CNTNAP2: variants seen among roughly 807,000 people sequenced by gnomAD.
CNTNAP2 encodes the protein contactin associated protein 2, also known as contactin-associated protein-like 2.
CNTNAP2 carries 98 observed loss-of-function variants against 155.2 expected under a neutral mutation model. The observed-to-expected ratio is 0.63, with a 90% confidence interval of 0.54 to 0.75. The LOEUF (loss-of-function observed/expected upper bound fraction) is 0.75. Ranked by LOEUF, CNTNAP2 falls within the 30% of genes least tolerant of loss-of-function variation. The pLI is 0.00. For synonymous variants in CNTNAP2, 651 were observed against 631.2 expected, an observed-to-expected ratio of 1.03 and a Z score of -0.47; for missense variants, 1,727 against 1,688.1, an observed-to-expected ratio of 1.02 and a Z score of -0.40.
At chr7:147,124,677 C>T (rs1231919250) in intron 6 of CNTNAP2, among the ~76,000 whole-genome samples, 4 of 151,988 alleles carry the variant, frequency 2.6e-5, no homozygotes, top group African/African-American at 9.7e-5. Context: ...TAATTTATAG[C>T]TTATGTAGTG....
intron 12 of CNTNAP2, among the ~76,000 whole-genome samples, chr7:147,563,706 A>C (rs1043572885): frequency 6.6e-6 from 1 of 152,170 alleles, no homozygotes; most frequent in Non-Finnish European, 1.5e-5. Context: ...TATGCAGCCC[A>C]TGGATCTTCT....
intron 3 of CNTNAP2, among the ~76,000 whole-genome samples, chr7:146,968,600 A>G (rs1018393276): frequency 6.6e-6 from 1 of 151,382 alleles, no homozygotes; most frequent in African/African-American, 2.4e-5. Context: ...ATTTGCATAG[A>G]GGTGTTTGTA....
At chr7:146,809,327 T>C (rs1039292634) in intron 2 of CNTNAP2, among the ~76,000 whole-genome samples, 3 of 152,188 alleles carry the variant, frequency 2.0e-5, no homozygotes, top group Non-Finnish European at 2.9e-5. Context: ...GAACACTTGT[T>C]CATGTATCTG....
At chr7:147,305,762 G>A (rs899082364) in intron 9 of CNTNAP2, among the ~76,000 whole-genome samples, 6 of 152,040 alleles carry the variant, frequency 3.9e-5, no homozygotes, top group South Asian at 2.1e-4. Flanking sequence ...CCACAAACAC[G>A]GTGGCTTAAA....
chr7:148,258,200 G>T (rs564696694), intron 20 of CNTNAP2, among the ~76,000 whole-genome samples: 1 of 152,328 alleles, frequency 6.6e-6, no homozygotes, highest in East Asian at 1.9e-4. Flanking sequence ...TGTTTAACAA[G>T]CGTGTGTTAT....
intron 2 of CNTNAP2, among the ~76,000 whole-genome samples, chr7:146,821,851 G>A (rs1033865277): frequency 2.0e-5 from 3 of 151,472 alleles, no homozygotes; most frequent in Admixed American, 2.0e-4. Context: ...TGGAGAAATA[G>A]GAACACTTTT....
intron 3 of CNTNAP2, among the ~76,000 whole-genome samples, chr7:146,946,912 A>G (rs559590648): frequency 2.6e-5 from 4 of 152,282 alleles, no homozygotes; most frequent in African/African-American, 9.6e-5. Flanking sequence ...ACAAGCATTC[A>G]CAAAATCCCC....
chr7:148,329,843 C>T (rs1322882792), intron 21 of CNTNAP2, among the ~76,000 whole-genome samples: 1 of 151,752 alleles, frequency 6.6e-6, no homozygotes, highest in Non-Finnish European at 1.5e-5. Context: ...TCTTCACCCT[C>T]GAAGCTTTCC....
At chr7:147,970,792 G>A (rs1291472451) in intron 14 of CNTNAP2, among the ~76,000 whole-genome samples, 3 of 152,180 alleles carry the variant, frequency 2.0e-5, no homozygotes, top group Admixed American at 2.0e-4. Context: ...TTGATTGTCT[G>A]TGATTGAGAC....
At chr7:146,130,882 C>T (rs1232869824) in intron 1 of CNTNAP2, among the ~76,000 whole-genome samples, 1 of 152,074 alleles carries the variant, frequency 6.6e-6, no homozygotes, top group Non-Finnish European at 1.5e-5. Flanking sequence ...TAGGAAACAA[C>T]CAGATCTTGT....
At chr7:146,440,768 T>C (rs1240129684) in intron 1 of CNTNAP2, among the ~76,000 whole-genome samples, 1 of 151,674 alleles carries the variant, frequency 6.6e-6, no homozygotes, top group Non-Finnish European at 1.5e-5. Flanking sequence ...CATGCCTCAC[T>C]TGTGGTAACA....
chr7:148,069,075 A>G (rs1803325379), intron 15 of CNTNAP2, among the ~76,000 whole-genome samples: 1 of 152,124 alleles, frequency 6.6e-6, no homozygotes, highest in Non-Finnish European at 1.5e-5. Context: ...TGGGGTTCAC[A>G]TTGTTTGTGT....
chr7:146,294,432 A>G (rs1238102725), intron 1 of CNTNAP2, among the ~76,000 whole-genome samples: 1 of 152,198 alleles, frequency 6.6e-6, no homozygotes, highest in Non-Finnish European at 1.5e-5. Flanking sequence ...GGGGAGGACC[A>G]CATAATCAGC....
At chr7:148,320,376 C>CTTT (rs67424217) in intron 21 of CNTNAP2, among the ~76,000 whole-genome samples, 38 of 63,374 alleles carry the variant, frequency 6.0e-4, no homozygotes, top group African/African-American at 1.1e-3. Flanking sequence ...ATTTTTTTTT[C>CTTT]TTTTTTTTTT....
intron 1 of CNTNAP2, among the ~76,000 whole-genome samples, chr7:146,476,762 A>G (rs569983620): frequency 1.3e-5 from 2 of 152,358 alleles, no homozygotes; most frequent in East Asian, 3.9e-4. Flanking sequence ...AGTTTAAAGA[A>G]GAAAAACTGA....
At chr7:146,856,715 G>C (rs1342535260) in intron 3 of CNTNAP2, among the ~76,000 whole-genome samples, 2 of 152,122 alleles carry the variant, frequency 1.3e-5, no homozygotes, top group Non-Finnish European at 2.9e-5. Context: ...GACTGAGAAG[G>C]ACCCAACACC....
chr7:148,293,764 G>A (rs964151084), intron 21 of CNTNAP2, among the ~76,000 whole-genome samples: 8 of 152,114 alleles, frequency 5.3e-5, no homozygotes, highest in Non-Finnish European at 8.8e-5. Context: ...CCCGGGCACA[G>A]TGGCTCACAT....
chr7:147,149,368 A>C (rs192968001), intron 8 of CNTNAP2, among the ~76,000 whole-genome samples: 2 of 152,320 alleles, frequency 1.3e-5, no homozygotes, highest in Non-Finnish European at 2.9e-5. Flanking sequence ...TGGTGCATTT[A>C]CAATCTTCTA....
chr7:146,545,486 C>T (rs1052937448), intron 1 of CNTNAP2, among the ~76,000 whole-genome samples: 1 of 151,702 alleles, frequency 6.6e-6, no homozygotes, highest in Non-Finnish European at 1.5e-5. Flanking sequence ...TGCTATACCT[C>T]CCCTAGACCC....
Sources: gnomAD v4.1 joint callset for allele counts (sites outside exome capture counted in the v4.1 genomes callset) on GRCh38, gnomAD v4.1.1 for gene constraint, MANE v1.5 for transcripts, NCBI Gene and HGNC (gene_info 2026-07-23, HGNC 2026-07-21) for gene names.